Variants in MCC observed in about 807,000 individuals in gnomAD.
The protein encoded by MCC is colorectal mutant cancer protein.
A neutral mutation model predicts 116.2 loss-of-function variants in MCC; 90 were observed. The observed-to-expected ratio is 0.77, with a 90% CI of 0.65 to 0.92. MCC has a LOEUF of 0.92. Among genes scored for constraint, MCC ranks in the 40% least tolerant of loss-of-function variants. The pLI is 0.00. For synonymous variants in MCC, 578 were observed against 510.5 expected (o/e 1.13, Z -1.78); for missense variants, 1,516 against 1,312.2 (o/e 1.16, Z -2.40).
intron 1 of MCC, among the ~76,000 whole-genome samples, chr5:113,476,163 C>T (rs1438827594): frequency 6.6e-6 from 1 of 152,212 alleles, no homozygotes; most frequent in Non-Finnish European, 1.5e-5. Context: ...ATAAAACTCT[C>T]AGCTGTGTTT....
At chr5:113,125,867 T>C (rs1032206467) in intron 5 of MCC, among the ~76,000 whole-genome samples, 1 of 152,176 alleles carries the variant, frequency 6.6e-6, no homozygotes, top group Admixed American at 6.5e-5. Flanking sequence ...AATAACTTAT[T>C]TCTTTGGGGA....
chr5:113,468,065 C>G (rs1455004606), intron 1 of MCC, among the ~76,000 whole-genome samples: 1 of 152,174 alleles, frequency 6.6e-6, no homozygotes, highest in African/African-American at 2.4e-5. Flanking sequence ...TGCTTATCAG[C>G]TTGAGGAGAT....
intron 3 of MCC, among the ~76,000 whole-genome samples, chr5:113,310,190 C>A (rs553538462): frequency 3.9e-5 from 6 of 152,200 alleles, no homozygotes; most frequent in Non-Finnish European, 8.8e-5. Flanking sequence ...AGAGGTGTGG[C>A]CTTTGGGAAG....
At chr5:113,427,593 G>C (rs1770517943) in intron 1 of MCC, among the ~76,000 whole-genome samples, 1 of 152,196 alleles carries the variant, frequency 6.6e-6, no homozygotes, top group South Asian at 2.1e-4. Context: ...TTAAAACAAA[G>C]TGAAGATTAT....
chr5:113,449,832 A>G (rs1771335555), intron 1 of MCC, among the ~76,000 whole-genome samples: 1 of 152,230 alleles, frequency 6.6e-6, no homozygotes, highest in African/African-American at 2.4e-5. Context: ...AAATCACAAC[A>G]AATAAATGAC....
chr5:113,305,255 C>G (rs78881815), intron 3 of MCC, among the ~76,000 whole-genome samples: 2,764 of 152,206 alleles, frequency 0.018, 80 homozygotes, highest in African/African-American at 0.059. Context: ...CTTCCCTCTC[C>G]CAGCCATCCT....
intron 3 of MCC, among the ~76,000 whole-genome samples, chr5:113,300,080 C>T (rs1354047995): frequency 1.3e-5 from 2 of 152,190 alleles, no homozygotes; most frequent in African/African-American, 2.4e-5. Flanking sequence ...AGTCTGGCCT[C>T]TCTGTGTATG....
intron 5 of MCC, among the ~76,000 whole-genome samples, chr5:113,133,255 T>C (rs1238289035): frequency 6.6e-6 from 1 of 152,122 alleles, no homozygotes; most frequent in South Asian, 2.1e-4. Flanking sequence ...ACCTATATTT[T>C]TGTACCCATT....
rs1302672932 is a variant in MCC, at chr5:113,173,081, T to C, written c.628-21659A>G. On this transcript the variant is annotated intron_variant, in intron 3 of 18. Transcript: ENST00000408903. ...TTCACCAGATACACTGCAAATACTC[T>C]TTCCCAGTGAACTGTTCGTCTTTTA... 1.4e-4 allele frequency among the ~76,000 whole-genome samples: 22 copies of C among 152,204 alleles called. 1 individual carries two copies.
chr5:113,323,773 C>T (rs1767481581), intron 3 of MCC, among the ~76,000 whole-genome samples: 1 of 152,212 alleles, frequency 6.6e-6, no homozygotes, highest in South Asian at 2.1e-4. Flanking sequence ...GCAGTCTCAG[C>T]TACTCAGGAG....
At chr5:113,116,612 C>G (rs1757411384) in intron 6 of MCC, among the ~76,000 whole-genome samples, 1 of 152,068 alleles carries the variant, frequency 6.6e-6, no homozygotes, top group Non-Finnish European at 1.5e-5. Context: ...CATCTTATAC[C>G]CCAAGTCTCT....
At chr5:113,064,873 G>A (rs1463251025) in intron 13 of MCC, among the ~76,000 whole-genome samples, 2 of 152,162 alleles carry the variant, frequency 1.3e-5, no homozygotes, top group Non-Finnish European at 2.9e-5. Flanking sequence ...GACTGTGCTG[G>A]AAAAGACAGA....
At chr5:113,432,320 CAAAAAAAA>C in intron 1 of MCC, among the ~76,000 whole-genome samples, 1 of 68,618 alleles carries the variant, frequency 1.5e-5, no homozygotes, top group Admixed American at 2.0e-4. Flanking sequence ...GACTCTGTCT[CAAAAAAAA>C]AAAAAAAAAA....
At chr5:113,334,698 C>G (rs1471958706) in intron 3 of MCC, among the ~76,000 whole-genome samples, 11 of 147,076 alleles carry the variant, frequency 7.5e-5, no homozygotes, top group Non-Finnish European at 1.0e-4. Context: ...TCAAGTAATT[C>G]TCTGGTCTCA....
At chr5:113,342,221 T>A (rs1768035748) in intron 2 of MCC, among the ~76,000 whole-genome samples, 1 of 152,254 alleles carries the variant, frequency 6.6e-6, no homozygotes, top group South Asian at 2.1e-4. Flanking sequence ...ATACCACATT[T>A]TCTTTATCCA....
chr5:113,407,361 T>A (rs985050295), intron 1 of MCC, among the ~76,000 whole-genome samples: 1 of 152,208 alleles, frequency 6.6e-6, no homozygotes, highest in African/African-American at 2.4e-5. Context: ...AAGCATTCTT[T>A]ATGCTCAGAT....
chr5:113,053,345 G>A (rs1190810421), intron 15 of MCC, among the ~76,000 whole-genome samples: 1 of 152,138 alleles, frequency 6.6e-6, no homozygotes, highest in Non-Finnish European at 1.5e-5. Context: ...GCCTCACCCT[G>A]TTCTCCCCCT....
intron 1 of MCC, among the ~76,000 whole-genome samples, chr5:113,446,106 T>C (rs913848504): frequency 6.6e-6 from 1 of 152,196 alleles, no homozygotes; most frequent in Non-Finnish European, 1.5e-5. Flanking sequence ...TCAAGATGGA[T>C]TACAGTTTTA....
At chr5:113,057,957 G>T (rs1423724636) in intron 14 of MCC, among the ~76,000 whole-genome samples, 1 of 152,216 alleles carries the variant, frequency 6.6e-6, no homozygotes, top group Non-Finnish European at 1.5e-5. Context: ...TTCTCTTCCA[G>T]TTACTTGGGA....
Sources: allele counts gnomAD v4.1 joint callset (sites outside exome capture counted in the v4.1 genomes callset), GRCh38; gene constraint gnomAD v4.1.1; transcripts MANE v1.5; gene names NCBI Gene and HGNC (gene_info 2026-07-23, HGNC 2026-07-21).